KANK2: variants seen among roughly 807,000 people sequenced by gnomAD.
The protein encoded by KANK2 is KN motif and ankyrin repeat domain-containing protein 2.
Under a neutral mutation model 74.6 loss-of-function variants are expected in KANK2, and 41 were observed. The ratio of observed to expected loss-of-function variants is 0.55; its 90% CI spans 0.43 to 0.71. The LOEUF is 0.71. Among genes scored for constraint, KANK2 ranks in the 30% least tolerant of loss-of-function variants. The probability of loss-of-function intolerance (pLI) is 0.00; values close to 1 mark genes in which losing one functional copy is unlikely to be tolerated. For missense variants in KANK2, 1,148 were observed against 1,196.4 expected, an observed-to-expected ratio of 0.96 and a Z score of 0.60; for synonymous variants, 537 against 519.0, an observed-to-expected ratio of 1.03 and a Z score of -0.47.
At chr19:11,190,769 T>C (rs1035979071) in intron 4 of KANK2, among the ~76,000 whole-genome samples, 1 of 151,776 alleles carries the variant, frequency 6.6e-6, no homozygotes, top group Non-Finnish European at 1.5e-5. Context: ...TTCACTCTGT[T>C]GCCCAGGCTG....
intron 12 of KANK2, among the ~76,000 whole-genome samples, chr19:11,167,215 G>A (rs965835860): frequency 7.3e-5 from 11 of 151,702 alleles, no homozygotes; most frequent in Admixed American, 1.3e-4. Flanking sequence ...ACAGGCAGGC[G>A]CCACCACGCC....
chr19:11,193,813 G>A lies in KANK2; in HGVS notation c.267C>T (p.Ser89=), dbSNP rs1463774321. The A allele has an allele frequency of 3.7e-6, 6 of 1,612,674 alleles. 1 individual carries two copies. In the South Asian group the frequency reaches 6.6e-5, roughly 18 times the overall value. Residue 89 remains serine, a synonymous_variant, in exon 4 of 13, where the codon TCC becomes TCT. Transcript: ENST00000586659. This position sits in a 1 kb window ranked among gnomAD's most constrained non-coding sequence, Gnocchi z 9.6. ...SWWTSTESLC[S]NASGDSRHSA... is the part of the protein sequence containing the mutation. Reference sequence around the variant, plus strand: ...AGTGGCGGCTGTCCCCACTGGCATTGGAGCACAGCGACTCAGTGGACGTCC... The same window carrying A: ...AGTGGCGGCTGTCCCCACTGGCATTAGAGCACAGCGACTCAGTGGACGTCC...
rs116254102 is a variant in KANK2, at chr19:11,176,984, G to A, written c.1521-167C>T. On this transcript the variant is annotated intron_variant, in intron 6 of 12. Transcript: ENST00000586659. The stretch of plus-strand genomic sequence containing the variant: ...TGTGGGATGTGGTTTACAGCAACTG[G>A]CACACAGTAAGCGCTCAATAAACAT... 0.013 allele frequency among the ~76,000 whole-genome samples: 1,980 copies of A among 152,124 alleles called. 45 individuals are homozygous for A. Among genetic ancestry groups the A allele is most frequent in the African/African-American group, 0.044 (1,830 of 41,498 alleles).
intron 7 of KANK2, 91 bp downstream of exon 7, chr19:11,176,487 G>C: frequency 1.4e-6 from 2 of 1,382,720 alleles, no homozygotes; most frequent in South Asian, 2.9e-5. Flanking sequence ...ACTGATAGGA[G>C]GGTCCTTCAA....
Position 11,170,803 on chromosome 19 carries a change from C to T in KANK2, c.2212-555G>A, listed in dbSNP as rs999124647. ...ATAGGGTTTTGCCATGTTGCCCAGG[C>T]TAATTGTTCCTTTAAAAGGGTTAAT... On this transcript the variant is annotated intron_variant, in intron 10 of 12. Coordinates refer to ENST00000586659, the MANE Select transcript of KANK2 (RefSeq NM_001136191.3). This position sits in a 1 kb window ranked among gnomAD's most constrained non-coding sequence, Gnocchi z 5.2. Among the ~76,000 whole-genome samples the T allele has an allele frequency of 4.6e-5, 7 of 152,064 alleles. No homozygotes were observed. The South Asian group carries it at 6.2e-4, about 14-fold the overall frequency.
intron 12 of KANK2, chr19:11,169,566 G>C: frequency 2.0e-6 from 1 of 512,484 alleles, no homozygotes; most frequent in Non-Finnish European, 3.5e-6. Flanking sequence ...ACTTTGGGAG[G>C]CTAAGGCAGG....
intron 4 of KANK2, among the ~76,000 whole-genome samples, chr19:11,179,586 A>C (rs1343608537): frequency 6.6e-6 from 1 of 151,758 alleles, no homozygotes; most frequent in Non-Finnish European, 1.5e-5. Flanking sequence ...TGCAGTGAGC[A>C]GAGATCACAC....
chr19:11,171,975 A>ATTT (rs1359232623), intron 10 of KANK2, among the ~76,000 whole-genome samples: 3 of 115,186 alleles, frequency 2.6e-5, no homozygotes, highest in Non-Finnish European at 3.7e-5. Context: ...CACCCGGCTA[A>ATTT]TTTTTTTTTT....
At chr19:11,192,614 T>C in intron 4 of KANK2, 4 of 524,668 alleles carry the variant, frequency 7.6e-6, no homozygotes, top group South Asian at 5.4e-5. Context: ...TTTTGTATTT[T>C]TAGTAGAGAT....
chr19:11,191,231 G>A (rs2078835792), intron 4 of KANK2, among the ~76,000 whole-genome samples: 1 of 151,786 alleles, frequency 6.6e-6, no homozygotes, highest in African/African-American at 2.4e-5. Context: ...AATAGAGATG[G>A]GGTTTCACTG....
At chr19:11,186,964 AGAG>A (rs1208854810) in intron 4 of KANK2, among the ~76,000 whole-genome samples, 1 of 152,116 alleles carries the variant, frequency 6.6e-6, no homozygotes, top group East Asian at 1.9e-4. Context: ...TGAAGGGATT[AGAG>A]AAGAGGGTAG....
In KANK2 at chr19:11,175,969, A is replaced by AGGTCAGG; in HGVS notation, c.1774_1780dup (p.Leu594ProfsTer2). On this transcript the variant is annotated stop_gained and frameshift_variant, in exon 8 of 13. Transcript: ENST00000586659. LOFTEE classifies it high-confidence loss of function. ...TTCCAGGGCCAAGCAGGCTGAGATG[A>AGGTCAGG]GGTCAGGGCTTAGCTCCATCCTGCC... The AGGTCAGG allele has an allele frequency of 1.2e-6, 2 of 1,613,712 alleles. No homozygotes were observed. Among genetic ancestry groups the AGGTCAGG allele is most frequent in the Non-Finnish European group, 1.7e-6 (2 of 1,179,766 alleles).
intron 8 of KANK2, among the ~76,000 whole-genome samples, 158 bp downstream of exon 8, chr19:11,175,744 C>T (rs1409041720): frequency 6.6e-6 from 1 of 152,132 alleles, no homozygotes; most frequent in Non-Finnish European, 1.5e-5. Context: ...CTCTCCGAGG[C>T]CCATGACTTG....
chr19:11,174,567 G>C lies in KANK2; in HGVS notation c.1974C>G (p.Tyr658Ter). 6.2e-7 allele frequency: 1 copy of C among 1,613,558 alleles called. No individual in the cohort carries two copies. Among genetic ancestry groups the C allele is most frequent in the East Asian group, 2.2e-5 (1 of 44,870 alleles). ...FRAMSARLLD[Y>*]VVNIADSNGN... ...CGTTGCTGTCGGCGATGTTGACCAC[G>C]TAGTCCAGCAGCCGCGCAGACATGG... Residue 658 changes from tyrosine (Y) to a stop codon, truncating the protein, a stop_gained, in exon 9 of 13, where the codon TAC becomes TAG. Transcript: ENST00000586659. LOFTEE classifies it high-confidence loss of function.
chr19:11,174,331 G>A (rs2147422555), intron 9 of KANK2, 142 bp downstream of exon 9: 1 of 688,732 alleles, frequency 1.5e-6, no homozygotes, highest in Non-Finnish European at 2.5e-6. Flanking sequence ...GGAGAGAGGT[G>A]TTCCCTCTAT....
At chr19:11,189,603 CAAAAAAAAAAAAA>C (rs56203270) in intron 4 of KANK2, among the ~76,000 whole-genome samples, 698 of 43,184 alleles carry the variant, frequency 0.016, 14 homozygotes, top group African/African-American at 0.041. Flanking sequence ...GACTCTGTCT[CAAAAAAAAAAAAA>C]AAAAAAAAAA....
In KANK2 at chr19:11,174,456, C is replaced by T. The variant is rs746443914; in HGVS notation, c.2068+17G>A. The stretch of plus-strand genomic sequence containing the variant: ...CTGGCTGGTTTAGAGCCGCCTCGTC[C>T]TCCCCGCTGGGCTCACCGCTGTCGA... On this transcript the variant is annotated intron_variant, in intron 9 of 12. Transcript: ENST00000586659. The T allele has an allele frequency of 6.3e-7, 1 of 1,587,526 alleles. No homozygotes were observed. The highest frequency in any genetic ancestry group is 1.1e-5 in the South Asian group (1 of 87,584).
chr19:11,169,527 G>C (rs1017660824), intron 12 of KANK2: 1 of 404,666 alleles, frequency 2.5e-6, no homozygotes, highest in Non-Finnish European at 4.4e-6. Flanking sequence ...ACAAGACCAG[G>C]CATGGTGGCT....
Position 11,175,920 on chromosome 19 carries a change from G to T in KANK2, c.1830C>A (p.Ala610=), listed in dbSNP as rs955565104. The T allele has an allele frequency of 1.2e-6, 2 of 1,613,708 alleles. No homozygotes were observed. Among genetic ancestry groups the T allele is most frequent in the Admixed American group, 1.7e-5 (1 of 59,982 alleles). Reference sequence around the variant, plus strand: ...ATCGTACCAGCTCCCGCTCTGTGAGGGCGTTGGGATTGTCCAGGTACTTTT... The same window carrying T: ...ATCGTACCAGCTCCCGCTCTGTGAGTGCGTTGGGATTGTCCAGGTACTTTT... ...ALEKYLDNPN[A]LTERELKVAY... is the part of the protein sequence containing the mutation. Residue 610 remains alanine (A), a synonymous_variant, in exon 8 of 13, where the codon GCC becomes GCA. Transcript: ENST00000586659.
Sources: gnomAD v4.1 joint callset for allele counts (sites outside exome capture counted in the v4.1 genomes callset) on GRCh38, gnomAD v4.1.1 for gene constraint, Gnocchi (gnomAD v3.1) non-coding constraint, MANE v1.5 for transcripts, NCBI Gene and HGNC (gene_info 2026-07-23, HGNC 2026-07-21) for gene names.